The following AUTS2 variants were observed in gnomAD, a reference collection of about 807,000 sequenced individuals.
AUTS2 encodes the protein activator of transcription and developmental regulator AUTS2.
In AUTS2, 17 loss-of-function variants were observed where a neutral mutation model predicts 112.4. The observed-to-expected ratio is 0.15, with a 90% confidence interval of 0.10 to 0.23. AUTS2 has a LOEUF of 0.23. AUTS2 is among the 10% of genes least tolerant of loss of function. The probability of loss-of-function intolerance (pLI) is 1.00; values close to 1 mark genes in which losing one functional copy is unlikely to be tolerated. For missense variants in AUTS2, 1,510 were observed against 1,701.6 expected, an observed-to-expected ratio of 0.89 and a Z score of 1.98; for synonymous variants, 751 against 702.7, an observed-to-expected ratio of 1.07 and a Z score of -1.09.
At chr7:70,705,866 TG>T (rs1809710323) in intron 6 of AUTS2, among the ~76,000 whole-genome samples, 1 of 152,166 alleles carries the variant, frequency 6.6e-6, no homozygotes, top group South Asian at 2.1e-4. Flanking sequence ...CAATCCCTCG[TG>T]GGGTGCTCTG....
chr7:69,781,085 G>A (rs1335213009), intron 1 of AUTS2, among the ~76,000 whole-genome samples: 1 of 152,218 alleles, frequency 6.6e-6, no homozygotes, highest in Admixed American at 6.5e-5. Context: ...AGTTAGCAGT[G>A]ATGCTGGAGC....
At chr7:69,931,302 T>A (rs1796219639) in intron 2 of AUTS2, among the ~76,000 whole-genome samples, 1 of 152,234 alleles carries the variant, frequency 6.6e-6, no homozygotes, top group East Asian at 1.9e-4. Context: ...AGTTTTAGGC[T>A]TGGAGCATTG....
At chr7:69,769,813 G>A (rs555327730) in intron 1 of AUTS2, among the ~76,000 whole-genome samples, 1 of 152,326 alleles carries the variant, frequency 6.6e-6, no homozygotes, top group East Asian at 1.9e-4. Flanking sequence ...AGGGTCCAGT[G>A]AACTGAGCTG....
intron 1 of AUTS2, among the ~76,000 whole-genome samples, chr7:69,681,874 C>T (rs563827046): frequency 7.2e-5 from 11 of 152,200 alleles, no homozygotes; most frequent in African/African-American, 1.7e-4. Flanking sequence ...TACTAAGTGA[C>T]GAGGATGGAG....
intron 4 of AUTS2, among the ~76,000 whole-genome samples, chr7:70,195,832 G>A (rs150434195): frequency 6.6e-5 from 10 of 152,082 alleles, no homozygotes; most frequent in Non-Finnish European, 1.2e-4. Flanking sequence ...AATCAATTTC[G>A]GAATTCTTTC....
At chr7:70,366,364 A>G (rs1030299834) in intron 4 of AUTS2, among the ~76,000 whole-genome samples, 2 of 152,200 alleles carry the variant, frequency 1.3e-5, no homozygotes, top group Non-Finnish European at 2.9e-5. Flanking sequence ...AGAGGAAGCA[A>G]TGTTGAACTC....
chr7:70,492,383 T>C (rs751249439), intron 5 of AUTS2, among the ~76,000 whole-genome samples: 2 of 151,956 alleles, frequency 1.3e-5, no homozygotes, highest in Non-Finnish European at 2.9e-5. Flanking sequence ...GGCAGAACAA[T>C]TGGGGTGAGG....
chr7:70,231,030 A>G (rs936457800), intron 4 of AUTS2, among the ~76,000 whole-genome samples: 1 of 152,200 alleles, frequency 6.6e-6, no homozygotes, highest in Non-Finnish European at 1.5e-5. Context: ...CACTGTTGTC[A>G]ATGAGGTTCG....
At chr7:69,997,443 T>C (rs1798996702) in intron 2 of AUTS2, among the ~76,000 whole-genome samples, 1 of 152,216 alleles carries the variant, frequency 6.6e-6, no homozygotes, top group African/African-American at 2.4e-5. Context: ...TTTTGAAATA[T>C]AGACACCTGG....
At chr7:70,526,669 A>G (rs989461145) in intron 5 of AUTS2, among the ~76,000 whole-genome samples, 1 of 152,208 alleles carries the variant, frequency 6.6e-6, no homozygotes, top group Admixed American at 6.5e-5. Context: ...CTCTGTGTCA[A>G]AAAAATAAAA....
At chr7:70,143,908 C>T (rs776385646) in intron 4 of AUTS2, among the ~76,000 whole-genome samples, 7 of 152,112 alleles carry the variant, frequency 4.6e-5, no homozygotes, top group Non-Finnish European at 8.8e-5. Context: ...AGCTGTGGTT[C>T]CTAGAATACT....
At chr7:69,691,568 C>T (rs1157915078) in intron 1 of AUTS2, among the ~76,000 whole-genome samples, 1 of 152,124 alleles carries the variant, frequency 6.6e-6, no homozygotes, top group Non-Finnish European at 1.5e-5. Flanking sequence ...CACAACTTTG[C>T]TCTGCACCAG....
At chr7:70,691,660 T>A (rs1808760273) in intron 5 of AUTS2, among the ~76,000 whole-genome samples, 1 of 151,846 alleles carries the variant, frequency 6.6e-6, no homozygotes, top group Non-Finnish European at 1.5e-5. Flanking sequence ...GGAGAGAGGA[T>A]GAGAAATGGA....
At chr7:70,723,660 C>T (rs1414085763) in intron 6 of AUTS2, among the ~76,000 whole-genome samples, 1 of 110,912 alleles carries the variant, frequency 9.0e-6, no homozygotes, top group Admixed American at 1.1e-4. Flanking sequence ...TTTTAATTTA[C>T]CTTTCTGAGT....
At chr7:69,602,187 G>A (rs896821445) in intron 1 of AUTS2, among the ~76,000 whole-genome samples, 1 of 151,456 alleles carries the variant, frequency 6.6e-6, no homozygotes, top group African/African-American at 2.4e-5. Context: ...TTTGGCTTTT[G>A]CGAGAAAATG....
At chr7:70,646,597 G>A (rs1362769465) in intron 5 of AUTS2, among the ~76,000 whole-genome samples, 2 of 152,238 alleles carry the variant, frequency 1.3e-5, no homozygotes, top group African/African-American at 4.8e-5. Context: ...GCCCCCCAAG[G>A]GGATTCTCTT....
intron 5 of AUTS2, among the ~76,000 whole-genome samples, chr7:70,480,605 C>T (rs1210188067): frequency 6.6e-6 from 1 of 152,078 alleles, no homozygotes; most frequent in Non-Finnish European, 1.5e-5. Context: ...ATACGTATAC[C>T]CAAGAGCACT....
intron 4 of AUTS2, among the ~76,000 whole-genome samples, chr7:70,306,316 C>G (rs1426382462): frequency 6.6e-6 from 1 of 152,182 alleles, no homozygotes; most frequent in East Asian, 1.9e-4. Context: ...TAAAACTGGT[C>G]TTATGGTTAC....
intron 4 of AUTS2, among the ~76,000 whole-genome samples, chr7:70,363,204 G>A (rs1792356608): frequency 6.6e-6 from 1 of 152,168 alleles, no homozygotes; most frequent in Non-Finnish European, 1.5e-5. Context: ...TAGATCACCA[G>A]TCTCTAATGG....
Sources: allele counts gnomAD v4.1 joint callset (sites outside exome capture counted in the v4.1 genomes callset), GRCh38; gene constraint gnomAD v4.1.1; transcripts MANE v1.5; gene names NCBI Gene and HGNC (gene_info 2026-07-23, HGNC 2026-07-21).